The following XRN1 variants were observed in gnomAD, a reference collection of about 807,000 sequenced individuals.
XRN1 encodes 5'-3' exoribonuclease 1, also known as strand-exchange protein 1 homolog.
A neutral mutation model predicts 222.3 loss-of-function variants in XRN1; 67 were observed. The ratio of observed to expected loss-of-function variants is 0.30; its 90% confidence interval spans 0.25 to 0.37. XRN1 has a LOEUF of 0.37. Among genes scored for constraint, XRN1 ranks in the 10% least tolerant of loss-of-function variants. The probability of loss-of-function intolerance (pLI) is 1.00; values close to 1 mark genes in which losing one functional copy is unlikely to be tolerated. For synonymous variants in XRN1, 643 were observed against 652.4 expected (o/e 0.99, Z 0.22); for missense variants, 1,707 against 2,000.2 (o/e 0.85, Z 2.80).
intron 39 of XRN1, among the ~76,000 whole-genome samples, chr3:142,314,537 A>G (rs890432764): frequency 5.3e-5 from 8 of 152,048 alleles, no homozygotes; most frequent in African/African-American, 1.9e-4. Context: ...ATTAGATTTT[A>G]TAAGTTACGG....
intron 37 of XRN1, among the ~76,000 whole-genome samples, chr3:142,328,486 T>G (rs111996398): frequency 3.3e-5 from 5 of 151,670 alleles, no homozygotes; most frequent in Non-Finnish European, 7.4e-5. Flanking sequence ...TATTTCATTA[T>G]GGTCAGAAAA....
At chr3:142,338,607 A>G (rs933607076) in intron 33 of XRN1, among the ~76,000 whole-genome samples, 1 of 152,172 alleles carries the variant, frequency 6.6e-6, no homozygotes, top group African/African-American at 2.4e-5. Context: ...TCTGCATCTT[A>G]GGTACCAGCT....
rs750737285 is a variant in XRN1 at position 142,412,601 on chromosome 3, G to A, written c.1656C>T (p.Asp552=). 6.2e-7 allele frequency: 1 copy of A among 1,607,964 alleles called. No individual in the cohort carries two copies. The highest frequency in any genetic ancestry group is 8.5e-7 in the Non-Finnish European group (1 of 1,175,912). Residue 552 remains aspartate, a synonymous_variant, in exon 15 of 41, where the codon GAC becomes GAT. Coordinates refer to ENST00000392981, the MANE Select transcript of XRN1 (RefSeq NM_001282857.2). Reference sequence around the variant, plus strand: ...CCCATTCCTGTTGTTTCCCATTTAGGTCAGTTTTAAAATCAGGTGGGTAAT... The same window carrying A: ...CCCATTCCTGTTGTTTCCCATTTAGATCAGTTTTAAAATCAGGTGGGTAAT... ...IEYYPPDFKT[D]LNGKQQEWEA...
intron 14 of XRN1, among the ~76,000 whole-genome samples, chr3:142,413,564 G>C (rs2108071886): frequency 6.6e-6 from 1 of 152,282 alleles, no homozygotes; most frequent in East Asian, 1.9e-4. Context: ...ACGATACAAA[G>C]TATAACTTCA....
In XRN1 at chr3:142,335,385, C is replaced by T. The variant is rs2065823568; in HGVS notation, c.3939+63G>A. On this transcript the variant is annotated intron_variant, in intron 34 of 40. Coordinates refer to ENST00000392981, the MANE Select transcript of XRN1 (RefSeq NM_001282857.2). ...AAAGGTTGAGAAATTCAGTCCAATG[C>T]TACAGAGCCACCAATTGCATTAAAA... The T allele has an allele frequency of 3.4e-6, 5 of 1,472,682 alleles. No individual in the cohort carries two copies. The African/African-American group carries it at 4.2e-5, about 12-fold the overall frequency. The allele number at this position is 1,472,682 out of a possible 1,614,324, so 91.2% of individuals were successfully genotyped here.
At chr3:142,347,895 G>C (rs1343134049) in intron 32 of XRN1, among the ~76,000 whole-genome samples, 2 of 152,020 alleles carry the variant, frequency 1.3e-5, no homozygotes, top group Non-Finnish European at 2.9e-5. Context: ...ACTGCACCCA[G>C]CCAAAAATCC....
chr3:142,325,561 G>T (rs1050619536), intron 37 of XRN1, among the ~76,000 whole-genome samples: 2 of 151,630 alleles, frequency 1.3e-5, no homozygotes, highest in African/African-American at 4.9e-5. Context: ...TATATATTCT[G>T]GCTATTAATA....
At chr3:142,356,820 A>C in intron 31 of XRN1, 92 bp downstream of exon 31, 1 of 1,354,554 alleles carries the variant, frequency 7.4e-7, no homozygotes, top group South Asian at 1.4e-5. Flanking sequence ...AAAGAGGGAA[A>C]CTAAGTTAAA....
At chr3:142,387,608 T>G (rs1447593084) in intron 20 of XRN1, among the ~76,000 whole-genome samples, 1 of 152,194 alleles carries the variant, frequency 6.6e-6, no homozygotes, top group Non-Finnish European at 1.5e-5. Context: ...ATGTTTACAC[T>G]GAGTCTATTA....
chr3:142,384,463 C>G, intron 21 of XRN1, 60 bp downstream of exon 21: 1 of 1,312,266 alleles, frequency 7.6e-7, no homozygotes, highest in Non-Finnish European at 1.0e-6. Context: ...TTTCATTATA[C>G]AGTGAATAGT....
At chr3:142,422,432 A>G in intron 8 of XRN1, 150 bp downstream of exon 8, 3 of 705,214 alleles carry the variant, frequency 4.3e-6, no homozygotes, top group South Asian at 2.1e-5. Context: ...GAAAATGACA[A>G]CCTCAGAGGT....
At chr3:142,383,486 A>T (rs577334962) in intron 21 of XRN1, 73 bp from the exon 22 acceptor site, 164 of 1,228,840 alleles carry the variant, frequency 1.3e-4, no homozygotes, top group Non-Finnish European at 1.9e-4. Flanking sequence ...TTCCTATGGG[A>T]TTATGACTAT....
At chr3:142,367,584 C>T (rs931327982) in intron 27 of XRN1, among the ~76,000 whole-genome samples, 1 of 151,924 alleles carries the variant, frequency 6.6e-6, no homozygotes, top group Non-Finnish European at 1.5e-5. Context: ...CTTCCTCTGT[C>T]ACCCAGGCCA....
At chr3:142,429,159 T>C (rs2069401957) in intron 2 of XRN1, among the ~76,000 whole-genome samples, 1 of 149,556 alleles carries the variant, frequency 6.7e-6, no homozygotes, top group African/African-American at 2.5e-5. Flanking sequence ...TTTTTTTTTT[T>C]TTTTTTGAGA....
chr3:142,387,415 C>A (rs1316522959), intron 20 of XRN1, among the ~76,000 whole-genome samples: 1 of 152,098 alleles, frequency 6.6e-6, no homozygotes, highest in Non-Finnish European at 1.5e-5. Context: ...GACTTGTATT[C>A]TTGTTCCACA....
At chr3:142,396,767 T>C (rs1472109511) in intron 20 of XRN1, among the ~76,000 whole-genome samples, 1 of 152,142 alleles carries the variant, frequency 6.6e-6, no homozygotes, top group Admixed American at 6.5e-5. Flanking sequence ...TCTGCTTTTG[T>C]TTTGGGAATT....
intron 22 of XRN1, among the ~76,000 whole-genome samples, chr3:142,381,537 T>C (rs2067303545): frequency 1.3e-5 from 2 of 151,840 alleles, no homozygotes; most frequent in East Asian, 3.8e-4. Context: ...TTTTTGTTTT[T>C]ATAACACTGA....
rs1424509541 is a variant in XRN1, at chr3:142,425,207, A to G, written c.627+15T>C. ...TATCAATGCATAAGTTTATAATAAT[A>G]AAAATTATACCTACCAAGTCAGCAT... On this transcript the variant is annotated intron_variant, in intron 5 of 40. Coordinates refer to ENST00000392981, the MANE Select transcript of XRN1 (RefSeq NM_001282857.2). The G allele has an allele frequency of 6.6e-7, 1 of 1,512,236 alleles. No individual in the cohort carries two copies. The highest frequency in any genetic ancestry group is 2.3e-5 in the East Asian group (1 of 43,378). 93.7% of individuals were successfully genotyped at this position (1,512,236 alleles called of 1,614,324 possible).
chr3:142,404,315 C>A (rs1469423475), intron 16 of XRN1, among the ~76,000 whole-genome samples: 8 of 152,088 alleles, frequency 5.3e-5, no homozygotes, highest in African/African-American at 1.7e-4. Flanking sequence ...GGAAAATAAA[C>A]ATTTTATAAT....
Sources: allele counts gnomAD v4.1 joint callset (sites outside exome capture counted in the v4.1 genomes callset), GRCh38; gene constraint gnomAD v4.1.1; transcripts MANE v1.5; gene names NCBI Gene and HGNC (gene_info 2026-07-23, HGNC 2026-07-21).